The following IBTK variants were observed in gnomAD, a reference collection of about 807,000 sequenced individuals.
IBTK encodes BTK-binding protein.
IBTK carries 83 observed loss-of-function variants against 154.9 expected under a neutral mutation model. The observed-to-expected ratio is 0.54, with a 90% CI of 0.45 to 0.64. The LOEUF is 0.64. Ranked by LOEUF, IBTK falls within the 30% of genes least tolerant of loss-of-function variation. The pLI is 0.00. For missense variants in IBTK, 1,332 were observed against 1,584.6 expected (o/e 0.84, Z 2.71); for synonymous variants, 515 against 536.1 (o/e 0.96, Z 0.54).
At chr6:82,182,366 T>A in intron 25 of IBTK, among the ~76,000 whole-genome samples, 1 of 151,344 alleles carries the variant, frequency 6.6e-6, no homozygotes, top group Non-Finnish European at 1.5e-5. Flanking sequence ...AAGAGCAAAA[T>A]GAAAATTCAA....
In IBTK at chr6:82,212,728, A is replaced by G. The variant is rs1428496619; in HGVS notation, c.2270T>C (p.Leu757Pro). 8 of 1,595,022 alleles carry G rather than the reference A, an allele frequency of 5.0e-6. No homozygotes were observed. The highest frequency in any genetic ancestry group is 6.9e-6 in the Non-Finnish European group (8 of 1,162,956). The change falls in exon 13 of 29, where the codon CTG (leucine) becomes CCG (proline). Residue 757 changes from leucine (L) to proline (P), a missense_variant. Transcript: ENST00000306270. ...NVIAKNTGNK[L>P]KLSQKKCSFL... ...TTACCATTTTTTCTGACTTAGCTTC[A>G]GTTTATTACCAGTGTTCTTGGCAAT...
chr6:82,202,166 A>C (rs1282334093), intron 18 of IBTK, among the ~76,000 whole-genome samples: 2 of 152,234 alleles, frequency 1.3e-5, no homozygotes, highest in Non-Finnish European at 2.9e-5. Flanking sequence ...CTGAAGTAAA[A>C]TATAAAAATA....
intron 21 of IBTK, 29 bp downstream of exon 21, chr6:82,200,112 C>G: frequency 7.4e-7 from 1 of 1,344,184 alleles, no homozygotes; most frequent in Non-Finnish European, 1.1e-6. Context: ...AAGATTAGAA[C>G]TGGAAATACA....
rs778114810 is a variant in IBTK, at chr6:82,171,563, G to A, written c.3931-7C>T. ...GTATGGCATGCTCCTCAATCTGAAAGGAGGAAGGGAAAGAAGACTCTTTAC... is the reference window on the plus strand; with the variant it reads ...GTATGGCATGCTCCTCAATCTGAAAAGAGGAAGGGAAAGAAGACTCTTTAC... On this transcript the variant is annotated splice_region_variant and splice_polypyrimidine_tract_variant and intron_variant, in intron 28 of 28. Transcript: ENST00000306270. 6.3e-7 allele frequency: 1 copy of A among 1,581,544 alleles called. No homozygotes were observed. Among genetic ancestry groups the A allele is most frequent in the Admixed American group, 1.8e-5 (1 of 55,010 alleles).
rs948506892 is a variant in IBTK, at chr6:82,170,511, A to G, written c.*914T>C. 3.3e-5 allele frequency: 5 copies of G among 152,166 alleles called. No individual in the cohort carries two copies. The highest frequency in any genetic ancestry group is 1.2e-4 in the African/African-American group (5 of 41,452). 9.4% of individuals were successfully genotyped at this position (152,166 alleles called of 1,614,324 possible). On this transcript the variant is annotated 3_prime_UTR_variant, in exon 29 of 29. Coordinates refer to ENST00000306270, the MANE Select transcript of IBTK (RefSeq NM_015525.4). ...CAAACAACATCCTATACAGAAAACA[A>G]TTTTTATGTCTAGATATACAATTGA...
chr6:82,219,088 A>G (rs1490904515), intron 9 of IBTK, among the ~76,000 whole-genome samples: 1 of 151,966 alleles, frequency 6.6e-6, no homozygotes, highest in Admixed American at 6.6e-5. Context: ...GTTTCCTTCC[A>G]CTAGTACAAA....
intron 7 of IBTK, 143 bp from the exon 8 acceptor site, chr6:82,223,763 A>G: frequency 1.5e-6 from 1 of 658,320 alleles, no homozygotes. Context: ...GCTCGAGACC[A>G]GCCTGTGCAA....
At chr6:82,205,127 G>T (rs1410765149) in intron 16 of IBTK, 169 bp from the exon 17 acceptor site, 3 of 418,708 alleles carry the variant, frequency 7.2e-6, no homozygotes, top group Non-Finnish European at 1.3e-5. Context: ...ATGTTGAAAG[G>T]GCAACCATAA....
chr6:82,172,278 G>A, intron 28 of IBTK, 102 bp downstream of exon 28: 3 of 1,132,874 alleles, frequency 2.6e-6, no homozygotes, highest in Non-Finnish European at 3.7e-6. Flanking sequence ...TAATTTCATA[G>A]ATACAAGCAC....
At chr6:82,231,424 G>A (rs1300081511) in intron 4 of IBTK, among the ~76,000 whole-genome samples, 1 of 151,962 alleles carries the variant, frequency 6.6e-6, no homozygotes, top group Non-Finnish European at 1.5e-5. Flanking sequence ...AGAAAAGCTA[G>A]AAAATCAAGA....
chr6:82,225,971 A>G (rs1770282277), intron 5 of IBTK, among the ~76,000 whole-genome samples: 1 of 150,596 alleles, frequency 6.6e-6, no homozygotes, highest in Non-Finnish European at 1.5e-5. Flanking sequence ...GGGTACATTG[A>G]AAAAAAAACA....
intron 2 of IBTK, among the ~76,000 whole-genome samples, chr6:82,239,225 A>C (rs1182058059): frequency 6.6e-6 from 1 of 151,810 alleles, no homozygotes; most frequent in Admixed American, 6.6e-5. Context: ...GTGGATCACG[A>C]GGTCAGGAGA....
chr6:82,243,495 C>T, intron 1 of IBTK, among the ~76,000 whole-genome samples: 1 of 152,218 alleles, frequency 6.6e-6, no homozygotes, highest in East Asian at 1.9e-4. Context: ...CTCCAAACCA[C>T]TCCACCTCAC....
intron 8 of IBTK, among the ~76,000 whole-genome samples, chr6:82,222,589 T>G (rs1770139070): frequency 6.6e-6 from 1 of 152,228 alleles, no homozygotes; most frequent in Non-Finnish European, 1.5e-5. Context: ...TCAAACTAAT[T>G]AATCAATTAT....
rs770152255 is a variant in IBTK, at chr6:82,234,221, CCTT to C, written c.353_355del (p.Glu118del). 6.2e-7 allele frequency: 1 copy of C among 1,602,484 alleles called. No homozygotes were observed. Among genetic ancestry groups the C allele is most frequent in the Admixed American group, 1.7e-5 (1 of 59,644 alleles). The stretch of plus-strand genomic sequence containing the variant: ...CATTACAAGATCCAAAGCTGACAAG[CCTT>C]CTTTATCTTGAATATACAGACTAAC... On this transcript the variant is annotated inframe_deletion, in exon 3 of 29. Coordinates refer to ENST00000306270, the MANE Select transcript of IBTK (RefSeq NM_015525.4).
intron 25 of IBTK, among the ~76,000 whole-genome samples, chr6:82,184,669 C>T (rs1250473658): frequency 6.6e-6 from 1 of 152,182 alleles, no homozygotes; most frequent in Non-Finnish European, 1.5e-5. Context: ...ACTATAAACA[C>T]TGGGAATTCT....
At chr6:82,228,624 C>CTTT (rs753768771) in intron 4 of IBTK, among the ~76,000 whole-genome samples, 1 of 143,070 alleles carries the variant, frequency 7.0e-6, no homozygotes, top group African/African-American at 2.5e-5. Context: ...AAACCCCAGA[C>CTTT]TTTTTTTTTT....
chr6:82,188,461 C>T (rs953976525), intron 25 of IBTK, among the ~76,000 whole-genome samples: 15 of 152,138 alleles, frequency 9.9e-5, no homozygotes, highest in Non-Finnish European at 1.9e-4. Context: ...TGATAGACAT[C>T]TAGATTGTTT....
intron 5 of IBTK, among the ~76,000 whole-genome samples, 183 bp downstream of exon 5, chr6:82,227,009 T>G (rs1304941733): frequency 6.6e-6 from 1 of 152,210 alleles, no homozygotes; most frequent in Non-Finnish European, 1.5e-5. Context: ...TTTAATCCTT[T>G]TGCATTGTAT....
Sources: allele counts gnomAD v4.1 joint callset (sites outside exome capture counted in the v4.1 genomes callset), GRCh38; gene constraint gnomAD v4.1.1; transcripts MANE v1.5; gene names NCBI Gene and HGNC (gene_info 2026-07-23, HGNC 2026-07-21).